The following AXIN2 variants were observed in gnomAD, a reference collection of about 807,000 sequenced individuals.
AXIN2 encodes axin 2, also known as axin-2.
In AXIN2, 21 loss-of-function variants were observed where a neutral mutation model predicts 74.7. That is an observed-to-expected ratio of 0.28 (90% CI 0.20 to 0.40). AXIN2 has a LOEUF of 0.40. Among genes scored for constraint, AXIN2 ranks in the 10% least tolerant of loss-of-function variants. AXIN2 has a pLI of 1.00. For missense variants in AXIN2, 1,144 were observed against 1,111.1 expected (o/e 1.03, Z -0.42); for synonymous variants, 532 against 454.9 (o/e 1.17, Z -2.16).
rs145717795 is a variant in AXIN2 at position 65,537,399 on chromosome 17, C to T, written c.1637G>A (p.Gly546Asp). The T allele has an allele frequency of 2.5e-6, 4 of 1,614,032 alleles. No homozygotes were observed. The South Asian group carries it at 4.4e-5, about 18-fold the overall frequency. ...TTTCGAGTAGCAGTAATACTCGCTG[C>T]CCCCAGGGCAGAAGCAGTGCACCCG... ...TQRVHCFCPG[G>D]SEYYCYSKCK... Residue 546 changes from glycine to aspartate, a missense_variant, in exon 6 of 11, where the codon GGC becomes GAC. Gly to Asp is a moderately conservative substitution (Grantham distance 94). This residue lies in a region of AXIN2 where 1,053 missense variants were observed against 973.5 expected (regional missense o/e 1.08). Transcript: ENST00000307078.
rs371817776 is a variant in AXIN2 at position 65,540,506 on chromosome 17, A to G, written c.1059+949T>C. The stretch of plus-strand genomic sequence containing the variant: ...TTTCTGATAGGGAATTTTTTTTTTG[A>G]ATTCAGAAAATGCAAAGGTTCAAAA... On this transcript the variant is annotated intron_variant, in intron 4 of 10. Transcript: ENST00000307078. 2.0e-5 allele frequency among the ~76,000 whole-genome samples: 3 copies of G among 151,498 alleles called. No individual in the cohort carries two copies. The East Asian group carries it at 5.8e-4, about 29-fold the overall frequency.
intron 4 of AXIN2, among the ~76,000 whole-genome samples, chr17:65,540,143 G>T (rs1249732774): frequency 2.6e-5 from 4 of 152,206 alleles, no homozygotes; most frequent in African/African-American, 9.7e-5. Context: ...AGGAGAAATG[G>T]TCAATGAATA....
rs906543253 is a variant in AXIN2, at chr17:65,556,521, T to C, written c.815+1285A>G. Among the ~76,000 whole-genome samples, 4 of 152,142 alleles carry C rather than the reference T, an allele frequency of 2.6e-5. No homozygotes were observed. In the East Asian group the frequency reaches 7.7e-4, roughly 29 times the overall value. On this transcript the variant is annotated intron_variant, in intron 2 of 10. Coordinates refer to ENST00000307078, the MANE Select transcript of AXIN2 (RefSeq NM_004655.4). The stretch of plus-strand genomic sequence containing the variant: ...CTTGCAAAAGTCAACCTGGTTCCAC[T>C]TAGGTGTAGACCAGATGTCTGAGTA...
intron 2 of AXIN2, among the ~76,000 whole-genome samples, chr17:65,554,630 A>C (rs2144566127): frequency 6.6e-6 from 1 of 152,350 alleles, no homozygotes; most frequent in Non-Finnish European, 1.5e-5. Context: ...GGCTCCGCAC[A>C]AAAACGGGCC....
chr17:65,542,908 TAAA>T (rs777472566), intron 3 of AXIN2, among the ~76,000 whole-genome samples: 1 of 152,188 alleles, frequency 6.6e-6, no homozygotes, highest in Non-Finnish European at 1.5e-5. Context: ...TAGCAATGTC[TAAA>T]AATACCCAGG....
At chr17:65,560,068 G>A (rs1447582109) in intron 1 of AXIN2, 1 of 152,236 alleles carries the variant, frequency 6.6e-6, no homozygotes, top group Admixed American at 6.5e-5. Flanking sequence ...CACACCTCGA[G>A]GCCGGAACCC....
chr17:65,558,033 G>A lies in AXIN2; in HGVS notation c.588C>T (p.Tyr196=), dbSNP rs1470895086. Residue 196 remains tyrosine, a synonymous_variant, in exon 2 of 11, where the codon TAC becomes TAT. Transcript: ENST00000307078. Reference sequence around the variant, plus strand: ...CTCCCCCACTCCTCACATATTCGAGGTATATATCAGAAGTCAAAAACATCT... The same window carrying A: ...CTCCCCCACTCCTCACATATTCGAGATATATATCAGAAGTCAAAAACATCT... The part of the protein sequence containing the change: ...AYQMFLTSDI[Y]LEYVRSGGEN... 1.2e-6 allele frequency: 2 copies of A among 1,613,992 alleles called. No homozygotes were observed. Among genetic ancestry groups the A allele is most frequent in the East Asian group, 2.2e-5 (1 of 44,884 alleles).
Position 65,557,891 on chromosome 17 carries a change from A to G in AXIN2, c.730T>C (p.Ser244Pro), listed in dbSNP as rs2044294127. 6.2e-7 allele frequency: 1 copy of G among 1,614,224 alleles called. No individual in the cohort carries two copies. Among genetic ancestry groups the G allele is most frequent in the Middle Eastern group, 1.6e-4 (1 of 6,062 alleles). ...WTCADFKCKL[S>P]PTVVGLSSKT... The stretch of plus-strand genomic sequence containing the variant: ...CTGGACAAGCCAACCACGGTTGGCG[A>G]AAGTTTGCACTTGAAGTCGGCACAA... Residue 244 changes from serine to proline, a missense_variant, in exon 2 of 11, where the codon TCG becomes CCG. Physicochemically the swap from Ser to Pro is moderately conservative, Grantham distance 74 (BLOSUM62 -1). Around this residue, in one of 4 missense-constraint regions of AXIN2, gnomAD observed 1,053 missense variants for 973.5 expected, o/e 1.08. Transcript: ENST00000307078.
chr17:65,529,685 T>C lies in AXIN2; in HGVS notation c.*291A>G. 2.1e-6 allele frequency: 1 copy of C among 475,012 alleles called. No homozygotes were observed. Among genetic ancestry groups the C allele is most frequent in the East Asian group, 3.7e-5 (1 of 26,990 alleles). The allele number at this position is 475,012 out of a possible 1,614,324, so 29.4% of individuals were successfully genotyped here. ...GATTTCAGATCCCTAGGAAGTCATA[T>C]ATTATGTATGGCAGTCTCTCAAATA... On this transcript the variant is annotated 3_prime_UTR_variant, in exon 11 of 11. Coordinates refer to ENST00000307078, the MANE Select transcript of AXIN2 (RefSeq NM_004655.4).
intron 9 of AXIN2, among the ~76,000 whole-genome samples, 185 bp downstream of exon 9, chr17:65,535,441 A>G (rs2043892736): frequency 6.6e-6 from 1 of 152,228 alleles, no homozygotes. Flanking sequence ...AACTTTTGCT[A>G]TGATGCATTT....
intron 8 of AXIN2, among the ~76,000 whole-genome samples, chr17:65,535,973 C>G (rs1432393492): frequency 6.6e-6 from 1 of 152,206 alleles, no homozygotes; most frequent in Admixed American, 6.5e-5. Context: ...GCTGAGGACT[C>G]TTGATCCTCC....
chr17:65,538,005 C>G, intron 5 of AXIN2, 170 bp from the exon 6 acceptor site: 1 of 1,304,130 alleles, frequency 7.7e-7, no homozygotes, highest in Non-Finnish European at 1.1e-6. Flanking sequence ...CATATCCACA[C>G]GCATATGCAC....
chr17:65,538,773 G>T (rs931116535), intron 4 of AXIN2, among the ~76,000 whole-genome samples: 1 of 143,678 alleles, frequency 7.0e-6, no homozygotes, highest in Non-Finnish European at 1.5e-5. Context: ...TAAACAGAAA[G>T]AGAGTTGAAA....
chr17:65,537,002 G>T lies in AXIN2; in HGVS notation c.1774C>A (p.Leu592Met), dbSNP rs1159551938. The stretch of plus-strand genomic sequence containing the variant: ...GGGGCCCCTCCTTCCCTGGCGGGCA[G>T]GGCCAGGCCCGGCTCCGTGCCTTTC... ...NGKGTEPGLA[L>M]PAREGGAPGG... Residue 592 changes from leucine to methionine, a missense_variant, in exon 7 of 11, where the codon CTG (leucine) becomes ATG (methionine). Physicochemically the swap from Leu to Met is conservative, Grantham distance 15. Around this residue, in one of 4 missense-constraint regions of AXIN2, gnomAD observed 1,053 missense variants for 973.5 expected, o/e 1.08. Coordinates refer to ENST00000307078, the MANE Select transcript of AXIN2 (RefSeq NM_004655.4). The T allele has an allele frequency of 6.2e-7, 1 of 1,612,172 alleles. No homozygotes were observed. The highest frequency in any genetic ancestry group is 8.5e-7 in the Non-Finnish European group (1 of 1,179,890).
At position 65,558,080 on chromosome 17, in the gene AXIN2, C is replaced by T. The variant is rs1348898769; in HGVS notation, c.541G>A (p.Val181Met). Residue 181 changes from valine to methionine, a missense_variant, in exon 2 of 11, where the codon GTG (valine) becomes ATG (methionine). Around this residue, in one of 4 missense-constraint regions of AXIN2, gnomAD observed 1,053 missense variants for 973.5 expected, o/e 1.08. Coordinates refer to ENST00000307078, the MANE Select transcript of AXIN2 (RefSeq NM_004655.4). ...ATCTGGTAGGCATTTTCCTCCATCA[C>T]CGACTGGATCTCGGTCTGCGCCTGG... ...FDQAQTEIQS[V>M]MEENAYQMFL... is the part of the protein sequence containing the mutation. The T allele has an allele frequency of 3.1e-6, 5 of 1,614,020 alleles. No individual in the cohort carries two copies. In the African/African-American group the frequency reaches 6.7e-5, roughly 22 times the overall value.
chr17:65,536,185 T>C (rs2043910688), intron 8 of AXIN2, 135 bp downstream of exon 8: 7 of 906,782 alleles, frequency 7.7e-6, no homozygotes, highest in Admixed American at 2.1e-5. Flanking sequence ...AGCTTACTCA[T>C]CCATAAGTAA....
chr17:65,542,395 G>C (rs2044057152), intron 3 of AXIN2, among the ~76,000 whole-genome samples: 1 of 152,216 alleles, frequency 6.6e-6, no homozygotes, highest in African/African-American at 2.4e-5. Flanking sequence ...GGGAGGCACA[G>C]GCAATGAACA....
intron 5 of AXIN2, 106 bp from the exon 6 acceptor site, chr17:65,537,941 T>G (rs2096845289): frequency 6.9e-7 from 1 of 1,444,408 alleles, no homozygotes; most frequent in Admixed American, 2.1e-5. Flanking sequence ...CACACCCGTG[T>G]GCACGCCCAC....
At chr17:65,557,743 A>C in intron 2 of AXIN2, 63 bp downstream of exon 2, 1 of 1,533,116 alleles carries the variant, frequency 6.5e-7, no homozygotes, top group Non-Finnish European at 9.0e-7. Flanking sequence ...CCACCCATCC[A>C]CCATACTTAA....
Sources: gnomAD v4.1 joint callset for allele counts (sites outside exome capture counted in the v4.1 genomes callset) on GRCh38, gnomAD v4.1.1 for gene constraint, gnomAD v4.1.1 regional missense constraint, MANE v1.5 for transcripts, NCBI Gene and HGNC (gene_info 2026-07-23, HGNC 2026-07-21) for gene names.